PCDHA9: variants seen among roughly 807,000 people sequenced by gnomAD.
PCDHA9 encodes the protein protocadherin alpha-9.
Under a neutral mutation model 62.0 loss-of-function variants are expected in PCDHA9, and 62 were observed. The ratio of observed to expected loss-of-function variants is 1.00; its 90% CI spans 0.81 to 1.23. The LOEUF (loss-of-function observed/expected upper bound fraction) is 1.23, where lower values mean the gene tolerates loss of function less well. Among genes scored for constraint, PCDHA9 ranks in the 50% most tolerant of loss-of-function variants. The pLI is 0.00. For missense variants in PCDHA9, 1,205 were observed against 1,249.8 expected (o/e 0.96, Z 0.54); for synonymous variants, 557 against 567.6 (o/e 0.98, Z 0.27).
chr5:140,877,233 G>A (rs1554169499), intron 1 of PCDHA9: 2 of 1,613,676 alleles, frequency 1.2e-6, no homozygotes, highest in Non-Finnish European at 8.5e-7. Flanking sequence ...CGGTGGGTGC[G>A]GGCCACGTGG....
At chr5:140,929,096 C>T (rs113293568) in intron 1 of PCDHA9, 45,094 of 1,614,150 alleles carry the variant, frequency 0.028, 813 homozygotes, top group Non-Finnish European at 0.033. Context: ...GTTTCAAATC[C>T]TTGCATGACA....
chr5:140,849,081 T>G lies in PCDHA9; in HGVS notation c.586T>G (p.Leu196Val), dbSNP rs2040772386. ...NQQVKPLGLV[L>V]RKLLDREETP... Reference sequence around the variant, plus strand: ...GCAGGTAAAACCTCTTGGACTTGTATTACGGAAACTTTTAGACAGAGAAGA... The same window carrying G: ...GCAGGTAAAACCTCTTGGACTTGTAGTACGGAAACTTTTAGACAGAGAAGA... Residue 196 changes from leucine (L) to valine (V), a missense_variant, in exon 1 of 4, where the codon TTA (leucine) becomes GTA (valine). Physicochemically the swap from Leu to Val is conservative, Grantham distance 32. This residue lies in a region of PCDHA9 where 110 missense variants were observed against 227.2 expected (regional missense o/e 0.48). Transcript: ENST00000532602. 2 of 1,516,686 alleles carry G rather than the reference T, an allele frequency of 1.3e-6. No homozygotes were observed. The allele number at this position is 1,516,686 out of a possible 1,614,324, so 94.0% of individuals were successfully genotyped here.
At chr5:140,938,336 A>G (rs1251086891) in intron 1 of PCDHA9, among the ~76,000 whole-genome samples, 1 of 152,204 alleles carries the variant, frequency 6.6e-6, no homozygotes, top group African/African-American at 2.4e-5. Context: ...ATGTTAATGG[A>G]TAATCTTGTC....
intron 1 of PCDHA9, among the ~76,000 whole-genome samples, chr5:140,958,001 T>C (rs1257234939): frequency 6.6e-6 from 1 of 152,144 alleles, no homozygotes; most frequent in Non-Finnish European, 1.5e-5. Flanking sequence ...ATTTTTTGTT[T>C]CAATTCTATC....
rs782296827 is a variant in PCDHA9, at chr5:140,858,349, C to T, written c.2394+7460C>T. The T allele has an allele frequency of 9.4e-6, 15 of 1,594,268 alleles. 2 individuals are homozygous for T. ...GGGAGGGCCTGCCCAAGGCGGACCT[C>T]ATGGCCTTCAGCCCCAGCCTTCCAC... On this transcript the variant is annotated intron_variant, in intron 1 of 3. Coordinates refer to ENST00000532602, the MANE Select transcript of PCDHA9 (RefSeq NM_031857.2).
chr5:140,941,228 T>TTTCTTTCTTTCTTTCTTTC (rs2092920819), intron 1 of PCDHA9, among the ~76,000 whole-genome samples: 1 of 139,066 alleles, frequency 7.2e-6, no homozygotes, highest in Admixed American at 7.4e-5. Flanking sequence ...TCTTTCTTTC[T>TTTCTTTCTTTCTTTCTTTC]TTCTTTCTTT....
chr5:140,856,497 G>T (rs782069130), intron 1 of PCDHA9: 1 of 1,598,346 alleles, frequency 6.3e-7, no homozygotes. Flanking sequence ...CTTGACTCTC[G>T]ATTTCCACTA....
chr5:140,981,794 T>G (rs1290588653), intron 2 of PCDHA9, among the ~76,000 whole-genome samples: 2 of 152,150 alleles, frequency 1.3e-5, no homozygotes, highest in Non-Finnish European at 2.9e-5. Flanking sequence ...CTCTTTTCCC[T>G]TGAACAGTTT....
chr5:140,883,313 G>T, intron 1 of PCDHA9: 1 of 1,614,118 alleles, frequency 6.2e-7, no homozygotes, highest in Non-Finnish European at 8.5e-7. Context: ...TAACGCCCCA[G>T]AGGTTACCAT....
intron 1 of PCDHA9, chr5:140,968,789 G>T (rs782339889): frequency 1.9e-6 from 3 of 1,614,180 alleles, no homozygotes; most frequent in South Asian, 1.1e-5. Flanking sequence ...AGCCTCTGTG[G>T]CCATTACAGT....
chr5:140,928,036 G>T, intron 1 of PCDHA9: 1 of 1,614,158 alleles, frequency 6.2e-7, no homozygotes, highest in Non-Finnish European at 8.5e-7. Context: ...CATGTCTAGT[G>T]CAGGCCCTTT....
chr5:140,849,320 G>C lies in PCDHA9; in HGVS notation c.825G>C (p.Gly275=). 10 of 1,335,992 alleles carry C rather than the reference G, an allele frequency of 7.5e-6. No homozygotes were observed. The highest frequency in any genetic ancestry group is 1.0e-5 in the Non-Finnish European group (10 of 975,722). The allele number at this position is 1,335,992 out of a possible 1,614,324, so 82.8% of individuals were successfully genotyped here. The change falls in exon 1 of 4, where the codon GGG becomes GGC. Residue 275 remains glycine (G), a synonymous_variant. Transcript: ENST00000532602. ...CAGATTTAGACGAAGGCTTGAATGGGGATATTATTTACTCCTTCTCCAGTG... is the reference window on the plus strand; with the variant it reads ...CAGATTTAGACGAAGGCTTGAATGGCGATATTATTTACTCCTTCTCCAGTG... The part of the protein sequence containing the change: ...NASDLDEGLN[G]DIIYSFSSDV...
At chr5:140,857,366 G>A in intron 1 of PCDHA9, 1 of 1,598,350 alleles carries the variant, frequency 6.3e-7, no homozygotes, top group Non-Finnish European at 8.6e-7. Context: ...CACGGCCAGC[G>A]TGTCTGTGGA....
At chr5:140,878,993 G>A (rs369200128) in intron 1 of PCDHA9, among the ~76,000 whole-genome samples, 70 of 152,306 alleles carry the variant, frequency 4.6e-4, no homozygotes, top group African/African-American at 1.7e-3. Context: ...AGAAATGAGA[G>A]TATGCCCTAG....
At chr5:140,884,487 T>G (rs374963144) in intron 1 of PCDHA9, 3 of 1,613,832 alleles carry the variant, frequency 1.9e-6, no homozygotes, top group Non-Finnish European at 1.7e-6. Flanking sequence ...CCCACTCTAG[T>G]GTGCTCCAGC....
chr5:141,003,057 TCCA>T (rs2098109750), intron 3 of PCDHA9, among the ~76,000 whole-genome samples: 1 of 152,194 alleles, frequency 6.6e-6, no homozygotes, highest in African/African-American at 2.4e-5. Context: ...ACAGAACAGT[TCCA>T]AATGCAGATG....
intron 1 of PCDHA9, among the ~76,000 whole-genome samples, chr5:140,891,998 A>C (rs1336951985): frequency 2.6e-5 from 4 of 152,200 alleles, no homozygotes; most frequent in Non-Finnish European, 5.9e-5. Flanking sequence ...AGTCTGTGGC[A>C]TTCTGTTATA....
chr5:140,870,485 T>C lies in PCDHA9; in HGVS notation c.2394+19596T>C, dbSNP rs1388283363. 1 of 1,614,118 alleles carries C rather than the reference T, an allele frequency of 6.2e-7. No homozygotes were observed. Among genetic ancestry groups the C allele is most frequent in the South Asian group, 1.1e-5 (1 of 91,094 alleles). On this transcript the variant is annotated intron_variant, in intron 1 of 3. Coordinates refer to ENST00000532602, the MANE Select transcript of PCDHA9 (RefSeq NM_031857.2). The stretch of plus-strand genomic sequence containing the variant: ...GCGTTCGCACAGCCCGAGTACACCG[T>C]GTTCGTGAAGGAGAACAACCCACCA...
intron 1 of PCDHA9, chr5:140,929,206 C>T (rs1554206828): frequency 2.5e-6 from 4 of 1,614,018 alleles, no homozygotes; most frequent in Non-Finnish European, 1.7e-6. Flanking sequence ...TTTGCTGTTG[C>T]GTGGGGAGTA....
Sources: gnomAD v4.1 joint callset for allele counts (sites outside exome capture counted in the v4.1 genomes callset) on GRCh38, gnomAD v4.1.1 for gene constraint, gnomAD v4.1.1 regional missense constraint, MANE v1.5 for transcripts, NCBI Gene and HGNC (gene_info 2026-07-23, HGNC 2026-07-21) for gene names.